ARFGEF1: variants seen among roughly 807,000 people sequenced by gnomAD.
ARFGEF1 encodes the protein brefeldin A-inhibited guanine nucleotide-exchange protein 1.
In ARFGEF1, 42 loss-of-function variants were observed where a neutral mutation model predicts 231.0. The ratio of observed to expected loss-of-function variants is 0.18; its 90% CI spans 0.14 to 0.24. ARFGEF1 has a LOEUF of 0.24. Ranked by LOEUF, ARFGEF1 falls within the 10% of genes least tolerant of loss-of-function variation. The probability of loss-of-function intolerance (pLI) is 1.00; values close to 1 mark genes in which losing one functional copy is unlikely to be tolerated. For synonymous variants in ARFGEF1, 710 were observed against 732.3 expected, an observed-to-expected ratio of 0.97 and a Z score of 0.49; for missense variants, 1,345 against 2,192.0, an observed-to-expected ratio of 0.61 and a Z score of 7.72.
At chr8:67,227,897 T>C (rs1839429227) in intron 25 of ARFGEF1, 66 bp downstream of exon 25, 1 of 1,316,492 alleles carries the variant, frequency 7.6e-7, no homozygotes, top group East Asian at 2.5e-5. Context: ...CTCAATTTGA[T>C]TACAAGGACA....
chr8:67,253,247 TTTTC>T (rs2128886145), intron 18 of ARFGEF1, among the ~76,000 whole-genome samples, 200 bp downstream of exon 18: 1 of 152,312 alleles, frequency 6.6e-6, no homozygotes, highest in East Asian at 1.9e-4. Context: ...TTAAAAAGTT[TTTTC>T]TTTTTTAGAG....
At chr8:67,276,620 G>A (rs183951662) in intron 8 of ARFGEF1, among the ~76,000 whole-genome samples, 49 of 152,214 alleles carry the variant, frequency 3.2e-4, no homozygotes, top group Admixed American at 2.0e-4. Context: ...ACAAAATATA[G>A]GGTAGGAAGG....
At chr8:67,311,116 G>A (rs1807010033) in intron 1 of ARFGEF1, among the ~76,000 whole-genome samples, 1 of 148,908 alleles carries the variant, frequency 6.7e-6, no homozygotes, top group South Asian at 2.1e-4. Flanking sequence ...GAGGTGGGGG[G>A]GTCAGCCCCG....
At chr8:67,309,999 A>G (rs956676765) in intron 1 of ARFGEF1, among the ~76,000 whole-genome samples, 15 of 152,196 alleles carry the variant, frequency 9.9e-5, no homozygotes, top group African/African-American at 2.7e-4. Flanking sequence ...CACTAATACA[A>G]AATACTTTGG....
downstream of ARFGEF1, among the ~76,000 whole-genome samples, chr8:67,194,837 T>C (rs1430983401): frequency 6.6e-6 from 1 of 152,200 alleles, no homozygotes; most frequent in Admixed American, 6.5e-5. Context: ...TACCTCTTCA[T>C]TGACTGGACA....
At chr8:67,267,321 T>G in intron 11 of ARFGEF1, 22 bp downstream of exon 11, 1 of 1,591,596 alleles carries the variant, frequency 6.3e-7, no homozygotes, top group Non-Finnish European at 8.6e-7. Context: ...AAAGAGATAA[T>G]AAAAAGGATA....
chr8:67,234,348 T>C (rs1354884393), intron 22 of ARFGEF1, among the ~76,000 whole-genome samples: 2 of 152,076 alleles, frequency 1.3e-5, no homozygotes, highest in Non-Finnish European at 2.9e-5. Flanking sequence ...AGAATAAAAG[T>C]TTGCTAAATA....
chr8:67,327,609 C>A (rs534544619), intron 1 of ARFGEF1, among the ~76,000 whole-genome samples: 2 of 152,140 alleles, frequency 1.3e-5, no homozygotes, highest in South Asian at 4.1e-4. Context: ...CGTGAGCCAA[C>A]GCACCTGGCC....
chr8:67,341,857 A>G (rs7813480), intron 1 of ARFGEF1, among the ~76,000 whole-genome samples: 149,252 of 152,278 alleles, frequency 0.98, 73,153 homozygotes, highest in East Asian at 1. Flanking sequence ...TCTGGTCGAT[A>G]AGTAAGGTGA....
exon 6 of ARFGEF1, chr8:67,175,498 G>A: frequency 6.3e-7 from 1 of 1,579,400 alleles, no homozygotes; most frequent in South Asian, 1.1e-5. Context: ...TAGGCTTTCT[G>A]CATCTCTTCT....
At chr8:67,340,930 G>A (rs1808595787) in intron 1 of ARFGEF1, among the ~76,000 whole-genome samples, 1 of 152,144 alleles carries the variant, frequency 6.6e-6, no homozygotes, top group Non-Finnish European at 1.5e-5. Context: ...AGCGCTATAG[G>A]CCCTCTAAAG....
At chr8:67,248,767 A>AT (rs1202931980) in intron 19 of ARFGEF1, among the ~76,000 whole-genome samples, 2 of 150,532 alleles carry the variant, frequency 1.3e-5, no homozygotes, top group African/African-American at 5.0e-5. Flanking sequence ...CACCATTACC[A>AT]TTACTATAAA....
At chr8:67,324,399 T>G (rs1266256635) in intron 1 of ARFGEF1, among the ~76,000 whole-genome samples, 1 of 152,236 alleles carries the variant, frequency 6.6e-6, no homozygotes. Context: ...GTTCCCTAAG[T>G]GCAGACATGC....
At chr8:67,326,015 A>G (rs562642756) in intron 1 of ARFGEF1, among the ~76,000 whole-genome samples, 164 of 152,258 alleles carry the variant, frequency 1.1e-3, no homozygotes, top group African/African-American at 3.7e-3. Flanking sequence ...CTTGGCCAAC[A>G]TGGTAAAACC....
downstream of ARFGEF1, among the ~76,000 whole-genome samples, chr8:67,193,038 T>G (rs1836832117): frequency 6.6e-6 from 1 of 152,234 alleles, no homozygotes; most frequent in Non-Finnish European, 1.5e-5. Context: ...ATAGGAGCCA[T>G]AATATACGTG....
In ARFGEF1 at chr8:67,198,357, A is replaced by C. The variant is rs974513730; in HGVS notation, c.*577T>G. On this transcript the variant is annotated 3_prime_UTR_variant, in exon 39 of 39. Transcript: ENST00000262215. ...AAATAAAGAAAACAGTGCAGGAAGA[A>C]CTATATAATGTTTTAAGATTTTTAT... The C allele has an allele frequency of 1.0e-6, 1 of 984,538 alleles. No individual in the cohort carries two copies. The highest frequency in any genetic ancestry group is 1.2e-6 in the Non-Finnish European group (1 of 828,836). 61.0% of individuals were successfully genotyped at this position (984,538 alleles called of 1,614,324 possible).
intron 36 of ARFGEF1, among the ~76,000 whole-genome samples, 157 bp downstream of exon 36, chr8:67,202,926 G>A (rs1201848255): frequency 6.6e-6 from 1 of 152,048 alleles, no homozygotes; most frequent in Non-Finnish European, 1.5e-5. Flanking sequence ...ACCAGAAAAG[G>A]GCCTCGTTGT....
At chr8:67,243,336 G>GA (rs1839988691) in intron 19 of ARFGEF1, among the ~76,000 whole-genome samples, 1 of 152,196 alleles carries the variant, frequency 6.6e-6, no homozygotes, top group Non-Finnish European at 1.5e-5. Flanking sequence ...CCATGTGGCT[G>GA]AGAGGCCTCA....
At chr8:67,182,020 A>G (rs948498952) in intron 5 of ARFGEF1, among the ~76,000 whole-genome samples, 4 of 152,134 alleles carry the variant, frequency 2.6e-5, no homozygotes, top group Admixed American at 2.6e-4. Context: ...TTTACCCCTT[A>G]GAGACAGGGT....
Sources: gnomAD v4.1 joint callset for allele counts (sites outside exome capture counted in the v4.1 genomes callset) on GRCh38, gnomAD v4.1.1 for gene constraint, MANE v1.5 for transcripts, NCBI Gene and HGNC (gene_info 2026-07-23, HGNC 2026-07-21) for gene names.